The following HCRTR2 variants were observed in gnomAD, a reference collection of about 807,000 sequenced individuals.
HCRTR2 encodes orexin receptor type 2.
HCRTR2 carries 22 observed loss-of-function variants against 49.0 expected under a neutral mutation model. The ratio of observed to expected loss-of-function variants is 0.45; its 90% CI spans 0.32 to 0.64. HCRTR2 has a LOEUF of 0.64. HCRTR2 is among the 30% of genes least tolerant of loss of function. The pLI is 0.04. For missense variants in HCRTR2, 491 were observed against 559.4 expected (o/e 0.88, Z 1.23); for synonymous variants, 236 against 205.3 (o/e 1.15, Z -1.28).
intron 1 of HCRTR2, among the ~76,000 whole-genome samples, chr6:55,125,480 C>T (rs1034336062): frequency 6.6e-6 from 1 of 152,178 alleles, no homozygotes; most frequent in Non-Finnish European, 1.5e-5. Context: ...GCAGGGAGAT[C>T]CACTGTTAGT....
chr6:55,148,245 TGTGC>T (rs1764620425), intron 1 of HCRTR2, among the ~76,000 whole-genome samples: 1 of 152,068 alleles, frequency 6.6e-6, no homozygotes, highest in African/African-American at 2.4e-5. Context: ...ATCGTGTGTG[TGTGC>T]GTGTGTGTGT....
At position 55,263,760 on chromosome 6, in the gene HCRTR2, G is replaced by A; in HGVS notation, c.700G>A (p.Ala234Thr). The change falls in exon 4 of 7, where the codon GCA becomes ACA. Residue 234 changes from alanine (A) to threonine (T), a missense_variant. Physicochemically the swap from Ala to Thr is moderately conservative, Grantham distance 58 (BLOSUM62 0). Coordinates refer to ENST00000370862, the MANE Select transcript of HCRTR2 (RefSeq NM_001384272.1). Reference sequence around the variant, plus strand: ...CTGTTTCTTTCTGGTGACATACATGGCACCACTGTGTCTCATGGTGTTGGC... The same window carrying A: ...CTGTTTCTTTCTGGTGACATACATGACACCACTGTGTCTCATGGTGTTGGC... The part of the protein sequence containing the change: ...HICFFLVTYM[A>T]PLCLMVLAYL... The A allele has an allele frequency of 6.2e-7, 1 of 1,612,322 alleles. No individual in the cohort carries two copies. Among genetic ancestry groups the A allele is most frequent in the East Asian group, 2.2e-5 (1 of 44,780 alleles).
intron 1 of HCRTR2, among the ~76,000 whole-genome samples, chr6:55,178,776 C>T (rs1765083323): frequency 2.6e-5 from 4 of 152,230 alleles, no homozygotes; most frequent in Admixed American, 2.6e-4. Flanking sequence ...ATACTGATTG[C>T]TTAACATTGC....
intron 1 of HCRTR2, among the ~76,000 whole-genome samples, chr6:55,131,281 A>T (rs954707461): frequency 1.3e-5 from 2 of 151,702 alleles, no homozygotes; most frequent in African/African-American, 2.4e-5. Flanking sequence ...ACCTTTTCAG[A>T]TTTTACCTGT....
chr6:55,243,610 C>T (rs1344666011), intron 1 of HCRTR2, among the ~76,000 whole-genome samples: 1 of 152,126 alleles, frequency 6.6e-6, no homozygotes, highest in Non-Finnish European at 1.5e-5. Context: ...ATACCAATGG[C>T]AGCAACATAC....
chr6:55,148,744 C>T (rs1355233573), intron 1 of HCRTR2, among the ~76,000 whole-genome samples: 1 of 152,020 alleles, frequency 6.6e-6, no homozygotes, highest in Admixed American at 6.6e-5. Flanking sequence ...CAGATCATGG[C>T]TGGGATTCAG....
chr6:55,139,554 A>T (rs761258785), intron 1 of HCRTR2, among the ~76,000 whole-genome samples: 4 of 152,176 alleles, frequency 2.6e-5, no homozygotes, highest in Non-Finnish European at 4.4e-5. Context: ...TAAATTCCAA[A>T]ATCTTTAAGG....
In HCRTR2 at chr6:55,226,690, G is replaced by C. The variant is rs147398471; in HGVS notation, c.224-21949G>C. ...TATTTATGTTTAGGCTCTGCTTGTA[G>C]AGTGATACCAAATTCCAGGTGTTTT... On this transcript the variant is annotated intron_variant, in intron 1 of 6. Coordinates refer to ENST00000370862, the MANE Select transcript of HCRTR2 (RefSeq NM_001384272.1). 3.2e-3 allele frequency among the ~76,000 whole-genome samples: 467 copies of C among 147,002 alleles called. 2 individuals carry two copies. Among genetic ancestry groups the C allele is most frequent in the Non-Finnish European group, 5.4e-3 (366 of 67,156 alleles).
At chr6:55,259,208 G>A (rs1169029592) in intron 3 of HCRTR2, among the ~76,000 whole-genome samples, 2 of 126,504 alleles carry the variant, frequency 1.6e-5, no homozygotes, top group Admixed American at 7.9e-5. Flanking sequence ...CTGACAAATT[G>A]TTCTTTGGTA....
chr6:55,205,438 T>C (rs1456806176), intron 1 of HCRTR2, among the ~76,000 whole-genome samples: 1 of 152,126 alleles, frequency 6.6e-6, no homozygotes, highest in South Asian at 2.1e-4. Context: ...CAAATGCTAC[T>C]GATAAGTAAA....
intron 1 of HCRTR2, among the ~76,000 whole-genome samples, chr6:55,223,606 C>G (rs1013162115): frequency 6.6e-6 from 1 of 151,968 alleles, no homozygotes; most frequent in Non-Finnish European, 1.5e-5. Context: ...TTATGTTATT[C>G]TTGTGTCTAA....
rs138676358 is a variant in HCRTR2, at chr6:55,277,743, T to A, written c.983+143T>A. 3 of 695,982 alleles carry A rather than the reference T, an allele frequency of 4.3e-6. No individual in the cohort carries two copies. In the East Asian group the frequency reaches 8.1e-5, roughly 19 times the overall value. 43.1% of individuals were successfully genotyped at this position (695,982 alleles called of 1,614,324 possible). A position where few individuals can be genotyped will look rare whatever the true frequency, so the allele number is the denominator to read the frequency against. ...TGTCAGGCCAGATGACTCAGTTATG[T>A]TGTTACCAGCAGGTAAGGCGAACAG... On this transcript the variant is annotated intron_variant, in intron 5 of 6. Transcript: ENST00000370862.
intron 2 of HCRTR2, among the ~76,000 whole-genome samples, chr6:55,253,006 C>T (rs765308811): frequency 5.3e-5 from 8 of 151,962 alleles, no homozygotes; most frequent in Non-Finnish European, 1.0e-4. Flanking sequence ...CCACATTTTA[C>T]AGATGAGAAA....
At chr6:55,222,304 T>TTA (rs534844506) in intron 1 of HCRTR2, among the ~76,000 whole-genome samples, 3 of 141,012 alleles carry the variant, frequency 2.1e-5, no homozygotes, top group African/African-American at 7.7e-5. Flanking sequence ...GAAAGAGAAT[T>TTA]AAAAAAAAAA....
chr6:55,119,995 C>T (rs938907106), intron 1 of HCRTR2, among the ~76,000 whole-genome samples: 2 of 152,078 alleles, frequency 1.3e-5, no homozygotes, highest in Non-Finnish European at 2.9e-5. Flanking sequence ...ATATGGCTAG[C>T]CAGTTTTCCC....
At chr6:55,121,132 G>C (rs897464387) in intron 1 of HCRTR2, among the ~76,000 whole-genome samples, 1 of 152,030 alleles carries the variant, frequency 6.6e-6, no homozygotes, top group African/African-American at 2.4e-5. Flanking sequence ...CCATTTGTTT[G>C]TATCCTCTTT....
intron 1 of HCRTR2, among the ~76,000 whole-genome samples, chr6:55,124,300 T>G (rs978999524): frequency 3.9e-5 from 6 of 152,182 alleles, no homozygotes; most frequent in African/African-American, 1.4e-4. Flanking sequence ...GTCACAGAGA[T>G]TCTGGTATGT....
intron 1 of HCRTR2, among the ~76,000 whole-genome samples, chr6:55,242,877 C>A (rs1265346275): frequency 6.6e-6 from 1 of 152,138 alleles, no homozygotes; most frequent in South Asian, 2.1e-4. Context: ...GTATTATTTT[C>A]CCATTTGAAA....
intron 1 of HCRTR2, among the ~76,000 whole-genome samples, chr6:55,118,152 T>G (rs13196768): frequency 0.19 from 29,191 of 151,880 alleles, 3,480 homozygotes; most frequent in Non-Finnish European, 0.25. Flanking sequence ...ACATGTGGTA[T>G]TTGGTTTTCT....
Sources: gnomAD v4.1 joint callset for allele counts (sites outside exome capture counted in the v4.1 genomes callset) on GRCh38, gnomAD v4.1.1 for gene constraint, MANE v1.5 for transcripts, NCBI Gene and HGNC (gene_info 2026-07-23, HGNC 2026-07-21) for gene names.